Variants in UQCC1 observed in about 807,000 individuals in gnomAD.
The protein encoded by UQCC1 is bFGF-repressed Zic-binding protein.
A neutral mutation model predicts 48.0 loss-of-function variants in UQCC1; 38 were observed. That is an observed-to-expected ratio of 0.79 (90% CI 0.61 to 1.04). The LOEUF is 1.04. UQCC1 is among the 50% of genes least tolerant of loss of function. The probability of loss-of-function intolerance (pLI) is 0.00; values close to 1 mark genes in which losing one functional copy is unlikely to be tolerated. For synonymous variants in UQCC1, 111 were observed against 129.2 expected, an observed-to-expected ratio of 0.86 and a Z score of 0.95; for missense variants, 368 against 381.8, an observed-to-expected ratio of 0.96 and a Z score of 0.30.
chr20:35,361,032 A>G (rs1244271264), intron 6 of UQCC1, among the ~76,000 whole-genome samples: 4 of 152,144 alleles, frequency 2.6e-5, no homozygotes, highest in Non-Finnish European at 5.9e-5. Flanking sequence ...CCCATTTGCA[A>G]AATGAGAGAA....
intron 6 of UQCC1, 43 bp from the exon 7 acceptor site, chr20:35,347,315 T>C (rs778484396): frequency 6.2e-7 from 1 of 1,608,138 alleles, no homozygotes; most frequent in South Asian, 1.1e-5. Flanking sequence ...TGTTTGCATT[T>C]TTCACATCAC....
At chr20:35,327,174 G>A (rs1057251137) in intron 7 of UQCC1, among the ~76,000 whole-genome samples, 1 of 152,174 alleles carries the variant, frequency 6.6e-6, no homozygotes, top group Non-Finnish European at 1.5e-5. Context: ...GAGTGAAAGG[G>A]GCGGGGTCAC....
At chr20:35,314,823 A>C in intron 7 of UQCC1, 58 bp from the exon 8 acceptor site, 1 of 1,428,348 alleles carries the variant, frequency 7.0e-7, no homozygotes, top group Non-Finnish European at 9.7e-7. Flanking sequence ...AAAACCCAAA[A>C]AGTATGATCT....
chr20:35,310,377 G>A (rs1179691668), intron 8 of UQCC1, among the ~76,000 whole-genome samples: 1 of 152,088 alleles, frequency 6.6e-6, no homozygotes, highest in African/African-American at 2.4e-5. Flanking sequence ...GGGTGTGGTG[G>A]CTCACGCCTG....
At chr20:35,338,205 A>C (rs2061334842) in intron 7 of UQCC1, among the ~76,000 whole-genome samples, 1 of 152,046 alleles carries the variant, frequency 6.6e-6, no homozygotes, top group South Asian at 2.1e-4. Context: ...AGTCCTGTTG[A>C]GTAGGAAGTC....
At chr20:35,323,062 T>C (rs1294720856) in intron 7 of UQCC1, among the ~76,000 whole-genome samples, 1 of 152,174 alleles carries the variant, frequency 6.6e-6, no homozygotes, top group Non-Finnish European at 1.5e-5. Flanking sequence ...TTAGCCAGCA[T>C]GGTCTTGACC....
chr20:35,304,460 G>A (rs2060906760), intron 9 of UQCC1, among the ~76,000 whole-genome samples: 2 of 152,148 alleles, frequency 1.3e-5, no homozygotes, highest in Non-Finnish European at 2.9e-5. Context: ...AGCACTGCTG[G>A]GTGAGAGTCC....
intron 7 of UQCC1, among the ~76,000 whole-genome samples, chr20:35,341,343 G>C (rs1323086498): frequency 6.6e-6 from 1 of 152,048 alleles, no homozygotes; most frequent in East Asian, 1.9e-4. Context: ...ATGGGAAAAA[G>C]GAACTGAACA....
intron 2 of UQCC1, among the ~76,000 whole-genome samples, chr20:35,386,742 T>G (rs113922321): frequency 6.0e-4 from 92 of 152,226 alleles, no homozygotes; most frequent in African/African-American, 2.1e-3. Flanking sequence ...ACCAGTAGAT[T>G]CCTTCTGTGG....
intron 7 of UQCC1, among the ~76,000 whole-genome samples, chr20:35,325,869 A>G (rs1055585522): frequency 6.6e-6 from 1 of 151,980 alleles, no homozygotes; most frequent in Non-Finnish European, 1.5e-5. Flanking sequence ...AAACAAAAAA[A>G]CACACACAAA....
At chr20:35,317,074 T>C (rs2061069122) in intron 7 of UQCC1, among the ~76,000 whole-genome samples, 1 of 152,062 alleles carries the variant, frequency 6.6e-6, no homozygotes, top group African/African-American at 2.4e-5. Flanking sequence ...CAGCTGGGAT[T>C]ACAGGCACCT....
intron 6 of UQCC1, among the ~76,000 whole-genome samples, chr20:35,360,014 A>G (rs972927230): frequency 1.3e-5 from 2 of 151,550 alleles, no homozygotes; most frequent in Non-Finnish European, 2.9e-5. Flanking sequence ...TCACCTGACA[A>G]CGAGCCTCCT....
rs749652089 is a variant in UQCC1 at position 35,304,067 on chromosome 20, T to G, written c.768A>C (p.Ile256=). ...ELLVEYVRKQ[I]QYLDSMNGED... is the part of the protein sequence containing the mutation. Reference sequence around the variant, plus strand: ...CCCCGTTCATGGAGTCCAGGTACTGTATCTGCAACCAGGGGAGGGGGAAGG... The same window carrying G: ...CCCCGTTCATGGAGTCCAGGTACTGGATCTGCAACCAGGGGAGGGGGAAGG... Residue 256 remains isoleucine, a splice_region_variant and synonymous_variant, in exon 10 of 10, where the codon ATA becomes ATC. Transcript: ENST00000374385. 6.2e-7 allele frequency: 1 copy of G among 1,613,784 alleles called. No individual in the cohort carries two copies. Among genetic ancestry groups the G allele is most frequent in the South Asian group, 1.1e-5 (1 of 91,076 alleles).
intron 2 of UQCC1, chr20:35,392,220 C>T (rs1236457433): frequency 7.7e-7 from 1 of 1,303,464 alleles, no homozygotes; most frequent in Non-Finnish European, 1.0e-6. Context: ...AATCTTCCTC[C>T]CTGTGAGACA....
intron 1 of UQCC1, among the ~76,000 whole-genome samples, chr20:35,410,531 CAA>C (rs113085116): frequency 5.0e-5 from 6 of 119,590 alleles, no homozygotes; most frequent in African/African-American, 6.2e-5. Flanking sequence ...GACTCCATCT[CAA>C]AAAAAAAAAA....
At chr20:35,326,812 G>C (rs977654358) in intron 7 of UQCC1, among the ~76,000 whole-genome samples, 6 of 152,084 alleles carry the variant, frequency 3.9e-5, no homozygotes, top group African/African-American at 1.4e-4. Flanking sequence ...AGGCAGACTG[G>C]GTACAGTGGA....
intron 1 of UQCC1, among the ~76,000 whole-genome samples, chr20:35,404,665 A>T (rs989812040): frequency 4.6e-5 from 7 of 150,658 alleles, no homozygotes; most frequent in South Asian, 2.1e-4. Flanking sequence ...TTAAAGTATA[A>T]AAAAAAAAGA....
chr20:35,303,288 C>T lies in UQCC1; in HGVS notation c.*647G>A, dbSNP rs1249441748. 1 of 152,338 alleles carries T rather than the reference C, an allele frequency of 6.6e-6. No individual in the cohort carries two copies. Among genetic ancestry groups the T allele is most frequent in the African/African-American group, 2.4e-5 (1 of 41,454 alleles). 9.4% of individuals were successfully genotyped at this position (152,338 alleles called of 1,614,324 possible). ...AGACGACAGGCCTGGCTGGCTGTAT[C>T]TTGGCCTGAACAGAGACACATCTCC... On this transcript the variant is annotated 3_prime_UTR_variant, in exon 10 of 10. Coordinates refer to ENST00000374385, the MANE Select transcript of UQCC1 (RefSeq NM_018244.5).
intron 7 of UQCC1, among the ~76,000 whole-genome samples, chr20:35,333,653 C>G (rs1461600619): frequency 6.6e-6 from 1 of 150,768 alleles, no homozygotes; most frequent in Non-Finnish European, 1.5e-5. Flanking sequence ...GCAAACGGCT[C>G]TCCAGAGTCC....
Sources: gnomAD v4.1 joint callset for allele counts (sites outside exome capture counted in the v4.1 genomes callset) on GRCh38, gnomAD v4.1.1 for gene constraint, MANE v1.5 for transcripts, NCBI Gene and HGNC (gene_info 2026-07-23, HGNC 2026-07-21) for gene names.